The following MID2 variants were observed in gnomAD, a reference collection of about 807,000 sequenced individuals.
MID2 encodes the protein probable E3 ubiquitin-protein ligase MID2.
A neutral mutation model predicts 46.1 loss-of-function variants in MID2; 13 were observed. The ratio of observed to expected loss-of-function variants is 0.28; its 90% CI spans 0.18 to 0.45. The LOEUF is 0.45. MID2 is among the 20% of genes least tolerant of loss of function. The pLI is 1.00. For synonymous variants in MID2, 199 were observed against 212.3 expected, an observed-to-expected ratio of 0.94 and a Z score of 0.55; for missense variants, 431 against 575.4, an observed-to-expected ratio of 0.75 and a Z score of 2.57.
At chrX:107,880,622 G>A (rs1932299099) in intron 3 of MID2, among the ~76,000 whole-genome samples, 1 of 112,295 alleles carries the variant, frequency 8.9e-6, no homozygotes, top group Non-Finnish European at 1.9e-5. Flanking sequence ...TTCTACAATA[G>A]TGATGTTATC....
intron 3 of MID2, among the ~76,000 whole-genome samples, chrX:107,874,067 T>C (rs1189960773): frequency 3.6e-5 from 4 of 112,397 alleles, no homozygotes; most frequent in Non-Finnish European, 7.5e-5. Flanking sequence ...CCTTGCCTTA[T>C]GTATCCCTTG....
At chrX:107,858,342 C>T (rs1931788271) in intron 3 of MID2, among the ~76,000 whole-genome samples, 2 of 112,012 alleles carry the variant, frequency 1.8e-5, no homozygotes, top group African/African-American at 6.5e-5. Context: ...AGTTCTTTGT[C>T]CTGGCTCATC....
At chrX:107,887,699 G>A (rs1322321995) in intron 3 of MID2, among the ~76,000 whole-genome samples, 1 of 111,794 alleles carries the variant, frequency 8.9e-6, no homozygotes, top group Non-Finnish European at 1.9e-5. Context: ...AGAAGGAATG[G>A]TACCAGCTCC....
intron 2 of MID2, among the ~76,000 whole-genome samples, chrX:107,847,282 AGTAG>A (rs915839287): frequency 2.7e-5 from 3 of 112,046 alleles, no homozygotes; most frequent in African/African-American, 6.5e-5. Context: ...CTTTGAACTT[AGTAG>A]GGGAGATAGA....
intron 3 of MID2, among the ~76,000 whole-genome samples, chrX:107,889,225 T>C (rs1333591757): frequency 8.9e-6 from 1 of 111,918 alleles, no homozygotes; most frequent in East Asian, 2.8e-4. Context: ...TCAATGGTCT[T>C]TACAATTTGG....
chrX:107,908,137 T>C (rs1247454019), intron 5 of MID2, among the ~76,000 whole-genome samples: 2 of 112,522 alleles, frequency 1.8e-5, no homozygotes, highest in African/African-American at 6.5e-5. Context: ...TTCAGCTCTA[T>C]CAGATGTTTT....
chrX:107,898,536 CTATTA>C (rs1932764533), intron 3 of MID2, among the ~76,000 whole-genome samples: 1 of 111,418 alleles, frequency 9.0e-6, no homozygotes, highest in Non-Finnish European at 1.9e-5. Flanking sequence ...TAATTGTATT[CTATTA>C]TATTACTTGT....
intron 9 of MID2, 151 bp from the exon 10 acceptor site, chrX:107,926,520 A>T: frequency 1.6e-6 from 1 of 618,461 alleles, no homozygotes; most frequent in Non-Finnish European, 2.4e-6. Flanking sequence ...CTAACTTTTT[A>T]AAGCTCTAGT....
At chrX:107,897,253 A>G (rs2147859235) in intron 3 of MID2, among the ~76,000 whole-genome samples, 1 of 111,077 alleles carries the variant, frequency 9.0e-6, no homozygotes, top group South Asian at 3.8e-4. Flanking sequence ...TCTAACTTTA[A>G]CAGCCAATCT....
chrX:107,901,423 G>A (rs151103676), intron 3 of MID2, among the ~76,000 whole-genome samples: 2,542 of 111,823 alleles, frequency 0.023, 60 homozygotes, highest in African/African-American at 0.079. Context: ...GCCAGATCTG[G>A]AGAGAAGGTG....
intron 7 of MID2, among the ~76,000 whole-genome samples, chrX:107,920,408 T>C (rs1933050077): frequency 8.9e-6 from 1 of 112,569 alleles, no homozygotes; most frequent in Non-Finnish European, 1.9e-5. Flanking sequence ...TATTTGAGTG[T>C]GTTTGTCTTC....
chrX:107,839,843 G>C (rs1931295727), intron 1 of MID2, among the ~76,000 whole-genome samples: 1 of 112,489 alleles, frequency 8.9e-6, no homozygotes, highest in South Asian at 3.6e-4. Context: ...TAGTTCAGCA[G>C]GTGTTTAGTA....
At chrX:107,845,250 C>A (rs1174246820) in intron 2 of MID2, among the ~76,000 whole-genome samples, 1 of 111,264 alleles carries the variant, frequency 9.0e-6, no homozygotes, top group Non-Finnish European at 1.9e-5. Context: ...TATTATAATT[C>A]TCTTTGAGAG....
chrX:107,851,780 C>G (rs2344566), intron 2 of MID2, among the ~76,000 whole-genome samples: 28,268 of 110,774 alleles, frequency 0.26, 4,516 homozygotes, highest in African/African-American at 0.6. Flanking sequence ...CCCCACTACT[C>G]TCTTTCTACC....
chrX:107,884,636 T>G (rs1932405818), intron 3 of MID2, among the ~76,000 whole-genome samples: 1 of 111,534 alleles, frequency 9.0e-6, no homozygotes. Flanking sequence ...GGAAAGGTGG[T>G]TTTCCTCAAA....
In MID2 at chrX:107,827,059, C is replaced by T. The variant is rs1419330428; in HGVS notation, c.4+629C>T. ...TTACATATGTCCACAGGACAGACTG[C>T]GACGCAACCAGGGAGAGTGGGGATT... On this transcript the variant is annotated intron_variant, in intron 1 of 9. Transcript: ENST00000262843. Among the ~76,000 whole-genome samples, 3 of 112,866 alleles carry T rather than the reference C, an allele frequency of 2.7e-5. No homozygotes were observed. The East Asian group carries it at 8.3e-4, about 31-fold the overall frequency.
intron 3 of MID2, among the ~76,000 whole-genome samples, chrX:107,860,204 G>A (rs1408927875): frequency 9.0e-6 from 1 of 111,493 alleles, no homozygotes; most frequent in East Asian, 2.8e-4. Context: ...TTTCTAGGAG[G>A]TGGATCAGTA....
chrX:107,905,750 T>C, intron 5 of MID2, 124 bp downstream of exon 5: 1 of 550,840 alleles, frequency 1.8e-6, no homozygotes, highest in East Asian at 3.6e-5. Flanking sequence ...AAGTAGTTAT[T>C]GAGCCTCAGT....
At position 107,841,171 on chromosome X, in the gene MID2, C is replaced by T. The variant is rs141024135; in HGVS notation, c.506C>T (p.Thr169Met). 1.7e-6 allele frequency: 2 copies of T among 1,209,243 alleles called. No homozygotes were observed. Among genetic ancestry groups the T allele is most frequent in the Non-Finnish European group, 2.2e-6 (2 of 894,972 alleles). Reference protein sequence around the residue: ...VSYCDRCLRATHPNKKPFTSH... With the variant: ...VSYCDRCLRAMHPNKKPFTSH... ...TACTGTGACCGTTGCCTGCGGGCCACGCACCCCAACAAGAAACCTTTCACC... is the reference window on the plus strand; with the variant it reads ...TACTGTGACCGTTGCCTGCGGGCCATGCACCCCAACAAGAAACCTTTCACC... Residue 169 changes from threonine to methionine, a missense_variant, in exon 2 of 10, where the codon ACG becomes ATG. Thr to Met is a moderately conservative substitution (Grantham distance 81, BLOSUM62 -1). Coordinates refer to ENST00000262843, the MANE Select transcript of MID2 (RefSeq NM_012216.4).
Sources: gnomAD v4.1 joint callset for allele counts (sites outside exome capture counted in the v4.1 genomes callset) on GRCh38, gnomAD v4.1.1 for gene constraint, MANE v1.5 for transcripts, NCBI Gene and HGNC (gene_info 2026-07-23, HGNC 2026-07-21) for gene names.